Variants in COL6A2 observed in about 807,000 individuals in gnomAD.
The protein encoded by COL6A2 is collagen type VI alpha 2 chain, also known as collagen alpha-2(VI) chain.
COL6A2 carries 90 observed loss-of-function variants against 124.9 expected under a neutral mutation model. The observed-to-expected ratio is 0.72, with a 90% CI of 0.61 to 0.86. COL6A2 has a LOEUF of 0.86. Among genes scored for constraint, COL6A2 ranks in the 40% least tolerant of loss-of-function variants. The probability of loss-of-function intolerance (pLI) is 0.00; values close to 1 mark genes in which losing one functional copy is unlikely to be tolerated. For synonymous variants in COL6A2, 793 were observed against 618.2 expected, an observed-to-expected ratio of 1.28 and a Z score of -4.19; for missense variants, 1,607 against 1,502.5, an observed-to-expected ratio of 1.07 and a Z score of -1.15.
intron 5 of COL6A2, 44 bp downstream of exon 5, chr21:46,114,117 C>T (rs2078439649): frequency 6.5e-7 from 1 of 1,542,288 alleles, no homozygotes; most frequent in African/African-American, 1.4e-5. Flanking sequence ...TACCAGGAAG[C>T]CCCTGATTTG....
chr21:46,111,404 G>A (rs2078396139), intron 1 of COL6A2, 46 bp from the exon 2 acceptor site: 6 of 1,137,508 alleles, frequency 5.3e-6, no homozygotes, highest in South Asian at 5.1e-5. Context: ...AGGGTGCCAG[G>A]GGAGAGGCAC....
intron 26 of COL6A2, 127 bp from the exon 27 acceptor site, chr21:46,126,376 G>A (rs1022769995): frequency 1.3e-6 from 2 of 1,517,034 alleles, no homozygotes; most frequent in East Asian, 2.3e-5. Context: ...AAGGGGTCGG[G>A]CCCTCTCGGG....
In COL6A2 at chr21:46,116,439, C is replaced by T. The variant is rs2078471596; in HGVS notation, c.927+36C>T. ...TGCCCTGACAGACCTCAGACCTGCGCCAGCCTCGGCCCAGACCCACCTCTT... is the reference window on the plus strand; with the variant it reads ...TGCCCTGACAGACCTCAGACCTGCGTCAGCCTCGGCCCAGACCCACCTCTT... On this transcript the variant is annotated intron_variant, in intron 8 of 27. Transcript: ENST00000300527. This position sits in a 1 kb window ranked among gnomAD's most constrained non-coding sequence, Gnocchi z 4.6. The T allele has an allele frequency of 6.2e-7, 1 of 1,612,138 alleles. No homozygotes were observed. The highest frequency in any genetic ancestry group is 8.5e-7 in the Non-Finnish European group (1 of 1,179,758).
At position 46,131,957 on chromosome 21, in the gene COL6A2, T is replaced by C. The variant is rs1243558040; in HGVS notation, c.2465T>C (p.Leu822Pro). Residue 822 changes from leucine (L) to proline (P), a missense_variant, in exon 28 of 28, where the codon CTG (leucine) becomes CCG (proline). Physicochemically the swap from Leu to Pro is moderately conservative, Grantham distance 98 (BLOSUM62 -3). Coordinates refer to ENST00000300527, the MANE Select transcript of COL6A2 (RefSeq NM_001849.4). ...CCGCACCTGCGTCTCCCCACAGAGC[T>C]GTCCGTGGCACAGTGCACGCAGCGG... is the stretch of plus-strand genomic sequence containing the variant. ...VCPDLPCQTE[L>P]SVAQCTQRPV... 29 of 1,600,756 alleles carry C rather than the reference T, an allele frequency of 1.8e-5. No homozygotes were observed. Among genetic ancestry groups the C allele is most frequent in the African/African-American group, 2.7e-5 (2 of 74,576 alleles).
At chr21:46,099,905 T>TTTTTTTTC (rs2078270428) in intron 1 of COL6A2, among the ~76,000 whole-genome samples, 1 of 147,774 alleles carries the variant, frequency 6.8e-6, no homozygotes, top group Admixed American at 6.8e-5. Flanking sequence ...TTTTTTTTTT[T>TTTTTTTTC]TTTTTTTCTC....
chr21:46,111,895 C>T, intron 2 of COL6A2, 84 bp from the exon 3 acceptor site: 1 of 1,446,698 alleles, frequency 6.9e-7, no homozygotes, highest in Non-Finnish European at 9.6e-7. Context: ...AGGTCAAACC[C>T]ACAAACAGGC....
chr21:46,112,809 C>T lies in COL6A2; in HGVS notation c.720C>T (p.His240=), dbSNP rs763803023. ...TINRIIKVMK[H]EAYGECYKVS... is the part of the protein sequence containing the mutation. Reference sequence around the variant, plus strand: ...CATGTCTGTCTTTTCTGCAGAAACACGAAGCCTACGGAGAGGTGAGTGGCG... The same window carrying T: ...CATGTCTGTCTTTTCTGCAGAAACATGAAGCCTACGGAGAGGTGAGTGGCG... The change falls in exon 4 of 28, where the codon CAC becomes CAT. Residue 240 remains histidine (H), a synonymous_variant. Transcript: ENST00000300527. The T allele has an allele frequency of 2.6e-5, 42 of 1,613,660 alleles. No homozygotes were observed. The highest frequency in any genetic ancestry group is 2.5e-4 in the East Asian group (11 of 44,886).
chr21:46,116,066 G>C lies in COL6A2; in HGVS notation c.900+13G>C, dbSNP rs767295307. ...CCCAGGACCCAAGGTGAGTGACCTC[G>C]GCCAGGGGCTTGGCTCCACCCTGAG... On this transcript the variant is annotated intron_variant, in intron 7 of 27. Transcript: ENST00000300527. This position sits in a 1 kb window ranked among gnomAD's most constrained non-coding sequence, Gnocchi z 4.6. 3 of 1,570,660 alleles carry C rather than the reference G, an allele frequency of 1.9e-6. No homozygotes were observed. The highest frequency in any genetic ancestry group is 2.6e-6 in the Non-Finnish European group (3 of 1,158,878).
At chr21:46,122,307 G>A (rs868241017) in intron 19 of COL6A2, 149 bp downstream of exon 19, 154 of 1,211,208 alleles carry the variant, frequency 1.3e-4, no homozygotes, top group South Asian at 6.1e-4. Flanking sequence ...AGAAGGCTTC[G>A]GGTGACTCAG....
At chr21:46,127,587 C>A (rs1469753823) in intron 27 of COL6A2, among the ~76,000 whole-genome samples, 1 of 152,174 alleles carries the variant, frequency 6.6e-6, no homozygotes, top group Non-Finnish European at 1.5e-5. Flanking sequence ...ACATCAGCAG[C>A]AGGGGCACCT....
intron 21 of COL6A2, among the ~76,000 whole-genome samples, chr21:46,123,503 C>CGATG (rs2078599958): frequency 2.0e-5 from 3 of 151,866 alleles, no homozygotes; most frequent in African/African-American, 7.3e-5. Flanking sequence ...GGATGGATAA[C>CGATG]GATGGATGGA....
At chr21:46,114,342 T>C (rs1024793442) in intron 5 of COL6A2, among the ~76,000 whole-genome samples, 6 of 151,706 alleles carry the variant, frequency 4.0e-5, no homozygotes, top group Non-Finnish European at 8.8e-5. Context: ...GGAGAATCGC[T>C]TGAACCTGGG....
chr21:46,132,803 C>T lies in COL6A2; in HGVS notation c.*251C>T, dbSNP rs908083383. 2.4e-5 allele frequency: 14 copies of T among 576,334 alleles called. No individual in the cohort carries two copies. The highest frequency in any genetic ancestry group is 3.4e-5 in the Non-Finnish European group (11 of 321,350). The allele number at this position is 576,334 out of a possible 1,614,324, so 35.7% of individuals were successfully genotyped here. A position where few individuals can be genotyped will look rare whatever the true frequency, so the allele number is the denominator to read the frequency against. On this transcript the variant is annotated 3_prime_UTR_variant, in exon 28 of 28. Transcript: ENST00000300527. ...CCCAAGGCTCCTGACCTACCTGGCC[C>T]CTGAGCTCTGGAGCAAGCCCTGACC... is the stretch of plus-strand genomic sequence containing the variant.
chr21:46,132,601 A>C lies in COL6A2; in HGVS notation c.*49A>C, dbSNP rs1184569887. On this transcript the variant is annotated 3_prime_UTR_variant, in exon 28 of 28. Transcript: ENST00000300527. ...CGAGGGTCGTGAGCCCACCCCGTCC[A>C]TGGTGCTAAGCGGGCCCGGGTCCCA... 2.6e-6 allele frequency: 4 copies of C among 1,531,358 alleles called. No homozygotes were observed. Among genetic ancestry groups the C allele is most frequent in the Non-Finnish European group, 2.6e-6 (3 of 1,136,302 alleles). 94.9% of individuals were successfully genotyped at this position (1,531,358 alleles called of 1,614,324 possible). A position where few individuals can be genotyped will look rare whatever the true frequency, so the allele number is the denominator to read the frequency against.
Position 46,116,707 on chromosome 21 carries a change from C to T in COL6A2, c.954+30C>T. On this transcript the variant is annotated intron_variant, in intron 9 of 27. Transcript: ENST00000300527. The surrounding 1 kb of genome is among the most constrained non-coding windows in gnomAD (Gnocchi z 4.6). ...GCTGGCTGGGTAGGCAGAGCCCCTC[C>T]TTCCTGCTGCTCAGGGCAGAAGGAC... The T allele has an allele frequency of 3.1e-6, 5 of 1,613,034 alleles. No individual in the cohort carries two copies. The highest frequency in any genetic ancestry group is 4.2e-6 in the Non-Finnish European group (5 of 1,180,006).
At chr21:46,111,101 G>A (rs1175462541) in intron 1 of COL6A2, among the ~76,000 whole-genome samples, 2 of 152,186 alleles carry the variant, frequency 1.3e-5, no homozygotes, top group Non-Finnish European at 2.9e-5. Flanking sequence ...CAGGCAGTGG[G>A]GGGCGCCAGA....
Position 46,132,014 on chromosome 21 carries a change from C to G in COL6A2, c.2522C>G (p.Ser841Cys). The G allele has an allele frequency of 6.2e-7, 1 of 1,610,150 alleles. No individual in the cohort carries two copies. The highest frequency in any genetic ancestry group is 8.5e-7 in the Non-Finnish European group (1 of 1,179,458). ...GACATCGTCTTCCTGCTGGACGGCT[C>G]CGAGCGGCTGGGTGAGCAGAACTTC... ...PVDIVFLLDG[S>C]ERLGEQNFHK... Residue 841 changes from serine to cysteine, a missense_variant, in exon 28 of 28, where the codon TCC becomes TGC. By Grantham distance (112) the Ser-to-Cys change is moderately radical (BLOSUM62 -1). Around this residue, in one of 3 missense-constraint regions of COL6A2, gnomAD observed 1,223 missense variants for 1,052.2 expected, o/e 1.16. Coordinates refer to ENST00000300527, the MANE Select transcript of COL6A2 (RefSeq NM_001849.4).
chr21:46,109,971 C>A (rs1397958830), intron 1 of COL6A2, among the ~76,000 whole-genome samples: 3 of 152,216 alleles, frequency 2.0e-5, no homozygotes, highest in African/African-American at 7.2e-5. Flanking sequence ...GGCAGTTGTA[C>A]CTGGGGAACT....
Position 46,118,688 on chromosome 21 carries a change from T to C in COL6A2, c.1179+12T>C. The C allele has an allele frequency of 1.2e-6, 2 of 1,606,958 alleles. No homozygotes were observed. The highest frequency in any genetic ancestry group is 2.2e-5 in the East Asian group (1 of 44,594). On this transcript the variant is annotated intron_variant, in intron 13 of 27. Coordinates refer to ENST00000300527, the MANE Select transcript of COL6A2 (RefSeq NM_001849.4). ...CCAAGGGAAGCAAGGTGAGCCCCTC[T>C]GCCTCTTCGCCTGCAGCTGAGCTGG...
Sources: gnomAD v4.1 joint callset for allele counts (sites outside exome capture counted in the v4.1 genomes callset) on GRCh38, gnomAD v4.1.1 for gene constraint, gnomAD v4.1.1 regional missense constraint, Gnocchi (gnomAD v3.1) non-coding constraint, MANE v1.5 for transcripts, NCBI Gene and HGNC (gene_info 2026-07-23, HGNC 2026-07-21) for gene names.